CCDC178: variants seen among roughly 807,000 people sequenced by gnomAD.
CCDC178 encodes the protein coiled-coil domain-containing protein 178.
In CCDC178, 126 loss-of-function variants were observed where a neutral mutation model predicts 117.4. The ratio of observed to expected loss-of-function variants is 1.07; its 90% CI spans 0.93 to 1.24. The LOEUF (loss-of-function observed/expected upper bound fraction) is 1.24. Ranked by LOEUF, CCDC178 falls within the 50% of genes most tolerant of loss-of-function variation. The probability of loss-of-function intolerance (pLI) is 0.00; values close to 1 mark genes in which losing one functional copy is unlikely to be tolerated. For missense variants in CCDC178, 1,030 were observed against 986.9 expected, an observed-to-expected ratio of 1.04 and a Z score of -0.59; for synonymous variants, 283 against 313.4, an observed-to-expected ratio of 0.90 and a Z score of 1.02.
chr18:32,973,682 T>C (rs2144692674), intron 22 of CCDC178, among the ~76,000 whole-genome samples: 1 of 152,168 alleles, frequency 6.6e-6, no homozygotes, highest in South Asian at 2.1e-4. Context: ...TTCCTTTACT[T>C]GAATTAAAAG....
chr18:33,233,252 A>C (rs1387278429), intron 15 of CCDC178, among the ~76,000 whole-genome samples: 1 of 152,102 alleles, frequency 6.6e-6, no homozygotes, highest in East Asian at 1.9e-4. Flanking sequence ...GGTTTTTTAC[A>C]TCTATTGATG....
At chr18:33,106,680 T>G (rs2057709761) in intron 20 of CCDC178, among the ~76,000 whole-genome samples, 1 of 151,672 alleles carries the variant, frequency 6.6e-6, no homozygotes, top group Admixed American at 6.6e-5. Context: ...GCAAAGGGAC[T>G]TTGCAGCTAT....
chr18:33,313,625 G>A (rs367869340), intron 11 of CCDC178, among the ~76,000 whole-genome samples: 2 of 152,266 alleles, frequency 1.3e-5, no homozygotes, highest in African/African-American at 4.8e-5. Flanking sequence ...GCAAAAGTAT[G>A]ACTGGGATCT....
intron 20 of CCDC178, among the ~76,000 whole-genome samples, chr18:33,130,430 T>G (rs2058056397): frequency 1.3e-5 from 2 of 152,026 alleles, no homozygotes; most frequent in African/African-American, 4.8e-5. Context: ...GACTTAACAT[T>G]CACAAAAAAT....
intron 21 of CCDC178, among the ~76,000 whole-genome samples, chr18:32,994,246 AT>A (rs763500883): frequency 9.9e-5 from 15 of 152,010 alleles, no homozygotes; most frequent in Non-Finnish European, 1.8e-4. Context: ...CCATTACTTG[AT>A]TTTAGTTCTT....
chr18:33,029,389 C>A (rs139824226), intron 21 of CCDC178, among the ~76,000 whole-genome samples: 49 of 151,742 alleles, frequency 3.2e-4, no homozygotes, highest in African/African-American at 1.0e-3. Flanking sequence ...TTTCATATTG[C>A]GTCTTTCTTA....
intron 5 of CCDC178, among the ~76,000 whole-genome samples, chr18:33,384,730 G>A (rs567903622): frequency 2.6e-4 from 40 of 152,234 alleles, no homozygotes; most frequent in Non-Finnish European, 4.6e-4. Context: ...ACATAGATAG[G>A]AAAAACCATT....
intron 20 of CCDC178, among the ~76,000 whole-genome samples, chr18:33,210,951 C>G (rs752957579): frequency 6.6e-6 from 1 of 151,922 alleles, no homozygotes; most frequent in Non-Finnish European, 1.5e-5. Context: ...AAGATATGTT[C>G]TTTCACCCAC....
chr18:33,216,903 G>A (rs2059172515), intron 18 of CCDC178, among the ~76,000 whole-genome samples: 1 of 152,032 alleles, frequency 6.6e-6, no homozygotes, highest in African/African-American at 2.4e-5. Flanking sequence ...AAGACAGAGA[G>A]CGGACAGGTG....
chr18:33,110,142 T>G (rs1021375052), intron 20 of CCDC178, among the ~76,000 whole-genome samples: 1 of 151,612 alleles, frequency 6.6e-6, no homozygotes, highest in Admixed American at 6.6e-5. Flanking sequence ...TCATTTGCAT[T>G]TATTTATCAT....
intron 14 of CCDC178, among the ~76,000 whole-genome samples, chr18:33,249,539 G>A (rs1228181971): frequency 1.3e-5 from 2 of 152,112 alleles, no homozygotes; most frequent in African/African-American, 2.4e-5. Context: ...TTTCCCCATT[G>A]CTTGTTTTTG....
At chr18:32,946,212 T>C (rs2054343532) in intron 22 of CCDC178, among the ~76,000 whole-genome samples, 1 of 152,178 alleles carries the variant, frequency 6.6e-6, no homozygotes, top group South Asian at 2.1e-4. Context: ...TGTGACACTG[T>C]TGATGAGCTA....
At chr18:33,006,669 T>A (rs1404686054) in intron 21 of CCDC178, among the ~76,000 whole-genome samples, 1 of 152,008 alleles carries the variant, frequency 6.6e-6, no homozygotes, top group Non-Finnish European at 1.5e-5. Context: ...GAAAAAGTGA[T>A]GGGAGGTCAT....
chr18:32,950,143 G>A (rs1309914278), intron 22 of CCDC178, among the ~76,000 whole-genome samples: 1 of 152,146 alleles, frequency 6.6e-6, no homozygotes, highest in Non-Finnish European at 1.5e-5. Context: ...AGCATTTGCT[G>A]CTTAAAAGGT....
chr18:33,036,107 T>C (rs1461976584), intron 21 of CCDC178, among the ~76,000 whole-genome samples: 1 of 151,856 alleles, frequency 6.6e-6, no homozygotes, highest in Non-Finnish European at 1.5e-5. Context: ...GAATGGCAAA[T>C]GTAGTAGACA....
At chr18:33,356,513 C>T (rs1599213357) in intron 6 of CCDC178, among the ~76,000 whole-genome samples, 167 bp from the exon 7 acceptor site, 2 of 151,732 alleles carry the variant, frequency 1.3e-5, no homozygotes, top group Non-Finnish European at 2.9e-5. Flanking sequence ...TTCTAAGCCC[C>T]CCCAACTGAC....
chr18:33,428,917 A>C (rs1249311765), intron 2 of CCDC178, among the ~76,000 whole-genome samples: 3 of 151,720 alleles, frequency 2.0e-5, no homozygotes, highest in South Asian at 2.1e-4. Context: ...GTATTTTTCA[A>C]TCAAACTTTA....
chr18:33,431,781 T>C (rs1427120341), intron 2 of CCDC178, among the ~76,000 whole-genome samples: 3 of 152,342 alleles, frequency 2.0e-5, no homozygotes, highest in Non-Finnish European at 2.9e-5. Context: ...GTTCTCTCTA[T>C]TCAGTCCCGC....
chr18:33,320,785 A>C (rs2062497613), intron 11 of CCDC178, among the ~76,000 whole-genome samples: 1 of 152,218 alleles, frequency 6.6e-6, no homozygotes, highest in African/African-American at 2.4e-5. Flanking sequence ...TTGCCAAGTC[A>C]ATCCTAAGCC....
Sources: allele counts gnomAD v4.1 joint callset (sites outside exome capture counted in the v4.1 genomes callset), GRCh38; gene constraint gnomAD v4.1.1; transcripts MANE v1.5; gene names NCBI Gene and HGNC (gene_info 2026-07-23, HGNC 2026-07-21).